The following FYB2 variants were observed in gnomAD, a reference collection of about 807,000 sequenced individuals.
FYB2 encodes FYN-binding protein 2.
A neutral mutation model predicts 94.1 loss-of-function variants in FYB2; 103 were observed. The observed-to-expected ratio is 1.09, with a 90% CI of 0.93 to 1.29. FYB2 has a LOEUF of 1.29. FYB2 is among the 50% of genes most tolerant of loss of function. FYB2 has a pLI of 0.00. For missense variants in FYB2, 896 were observed against 841.5 expected, an observed-to-expected ratio of 1.06 and a Z score of -0.80; for synonymous variants, 293 against 287.9, an observed-to-expected ratio of 1.02 and a Z score of -0.18.
At chr1:56,807,193 T>C (rs987008595) in intron 1 of FYB2, among the ~76,000 whole-genome samples, 1 of 152,218 alleles carries the variant, frequency 6.6e-6, no homozygotes, top group Non-Finnish European at 1.5e-5. Flanking sequence ...TTTAGGTTTA[T>C]GACAGTTTTA....
intron 1 of FYB2, among the ~76,000 whole-genome samples, chr1:56,807,218 T>G (rs566034415): frequency 6.6e-6 from 1 of 152,334 alleles, no homozygotes; most frequent in African/African-American, 2.4e-5. Flanking sequence ...AAGTGCAATT[T>G]AATGAAAACT....
intron 17 of FYB2, among the ~76,000 whole-genome samples, chr1:56,723,050 A>G (rs1258212796): frequency 1.3e-5 from 2 of 152,042 alleles, no homozygotes; most frequent in Admixed American, 6.6e-5. Flanking sequence ...TGCATCATTC[A>G]TTTGTTCATT....
Position 56,719,015 on chromosome 1 carries a change from A to G in FYB2, c.*656T>C, listed in dbSNP as rs1644437704. On this transcript the variant is annotated 3_prime_UTR_variant, in exon 20 of 20. Coordinates refer to ENST00000343433, the MANE Select transcript of FYB2 (RefSeq NM_001004303.5). ...TGTTTTAAAGTAATACAGCATATATATTATTTTGTTAAATACATTTGGGCA... is the reference window on the plus strand; with the variant it reads ...TGTTTTAAAGTAATACAGCATATATGTTATTTTGTTAAATACATTTGGGCA... 6.6e-6 allele frequency: 1 copy of G among 152,556 alleles called. No individual in the cohort carries two copies. The highest frequency in any genetic ancestry group is 1.5e-5 in the Non-Finnish European group (1 of 68,008). 9.5% of individuals were successfully genotyped at this position (152,556 alleles called of 1,614,324 possible).
At chr1:56,816,765 C>T (rs1646891309) in intron 1 of FYB2, among the ~76,000 whole-genome samples, 1 of 152,164 alleles carries the variant, frequency 6.6e-6, no homozygotes, top group Non-Finnish European at 1.5e-5. Context: ...AATTCCTAAT[C>T]TGCTTTCAAA....
chr1:56,774,253 C>T (rs978341017), intron 4 of FYB2, among the ~76,000 whole-genome samples: 2 of 152,130 alleles, frequency 1.3e-5, no homozygotes, highest in African/African-American at 4.8e-5. Context: ...TGAATCTCAC[C>T]TCTACCAGTC....
intron 4 of FYB2, among the ~76,000 whole-genome samples, chr1:56,785,145 C>T (rs1646104075): frequency 6.6e-6 from 1 of 152,204 alleles, no homozygotes; most frequent in African/African-American, 2.4e-5. Flanking sequence ...TGGAGACTGA[C>T]TAATGGGCCA....
chr1:56,824,144 T>TG (rs1376486105), upstream of FYB2: 1 of 152,182 alleles, frequency 6.6e-6, no homozygotes, highest in African/African-American at 2.4e-5. Context: ...GCAGGTCAGT[T>TG]GGTATCTTAG....
chr1:56,774,003 A>C (rs538451376), intron 4 of FYB2, among the ~76,000 whole-genome samples: 1 of 152,302 alleles, frequency 6.6e-6, no homozygotes, highest in South Asian at 2.1e-4. Flanking sequence ...CCTTCCCTTG[A>C]ATGAAATGAT....
At chr1:56,820,063 A>G (rs1376781919), upstream of FYB2, among the ~76,000 whole-genome samples, 2 of 152,000 alleles carry the variant, frequency 1.3e-5, no homozygotes, top group Admixed American at 6.6e-5. Flanking sequence ...CCCTGTCTCT[A>G]CCAAAAATAT....
At position 56,719,682 on chromosome 1, in the gene FYB2, A is replaced by G; in HGVS notation, c.2176T>C (p.Trp726Arg). ...TGATCTTGATTTTTCTAAGGTGACC[A>G]ACTTTGATGCCTGTGAAAAAATAAA... ...IEHLDFKHQS[W>R]SP is the part of the protein sequence containing the mutation. Residue 726 changes from tryptophan to arginine, a missense_variant, in exon 20 of 20, where the codon TGG (tryptophan) becomes CGG (arginine). Transcript: ENST00000343433. 1.3e-6 allele frequency: 2 copies of G among 1,595,622 alleles called. No individual in the cohort carries two copies. Among genetic ancestry groups the G allele is most frequent in the African/African-American group, 2.7e-5 (2 of 74,232 alleles).
intron 15 of FYB2, among the ~76,000 whole-genome samples, chr1:56,733,842 T>A (rs1569892045): frequency 6.6e-6 from 1 of 152,116 alleles, no homozygotes; most frequent in East Asian, 1.9e-4. Flanking sequence ...ATTATGTGAT[T>A]AATTTTAGAA....
chr1:56,772,781 C>T (rs1251887212), intron 4 of FYB2, among the ~76,000 whole-genome samples: 7 of 152,020 alleles, frequency 4.6e-5, no homozygotes, highest in African/African-American at 7.2e-5. Flanking sequence ...ACTTTAAAGG[C>T]GTATTATGGA....
At chr1:56,812,562 T>A (rs1348413809) in intron 1 of FYB2, among the ~76,000 whole-genome samples, 1 of 152,196 alleles carries the variant, frequency 6.6e-6, no homozygotes, top group Non-Finnish European at 1.5e-5. Context: ...TCTCTGTATT[T>A]AATAGGTCCT....
rs116196323 is a variant in FYB2, at chr1:56,735,999, T to G, written c.1793+1088A>C. 7.2e-3 allele frequency among the ~76,000 whole-genome samples: 1,102 copies of G among 152,262 alleles called. 3 individuals are homozygous for G. The highest frequency in any genetic ancestry group is 0.011 in the Non-Finnish European group (749 of 68,014). On this transcript the variant is annotated intron_variant, in intron 15 of 19. Transcript: ENST00000343433. Reference sequence around the variant, plus strand: ...CAAAGAAATGATAAATGTTTGATGATGAATATGCTAATTACCTTTATCTTA... The same window carrying G: ...CAAAGAAATGATAAATGTTTGATGAGGAATATGCTAATTACCTTTATCTTA...
chr1:56,739,829 G>A (rs1644910592), intron 13 of FYB2, among the ~76,000 whole-genome samples: 1 of 152,092 alleles, frequency 6.6e-6, no homozygotes, highest in Non-Finnish European at 1.5e-5. Context: ...TTCCAAGCAT[G>A]TTTAAGATGA....
intron 15 of FYB2, 23 bp from the exon 16 acceptor site, chr1:56,726,606 CAAGT>C: frequency 6.3e-7 from 1 of 1,579,714 alleles, no homozygotes; most frequent in Admixed American, 1.7e-5. Context: ...ATATTTTGAG[CAAGT>C]AAATTAAGAC....
chr1:56,810,609 A>C (rs1320788182), intron 1 of FYB2, among the ~76,000 whole-genome samples: 1 of 152,228 alleles, frequency 6.6e-6, no homozygotes, highest in Non-Finnish European at 1.5e-5. Context: ...TAAAGGGCTA[A>C]GGAAACCAAA....
intron 4 of FYB2, among the ~76,000 whole-genome samples, chr1:56,773,438 C>T (rs538578287): frequency 3.4e-4 from 52 of 152,232 alleles, no homozygotes; most frequent in African/African-American, 1.2e-3. Flanking sequence ...TGTTAGACAC[C>T]GTGCATAGAT....
chr1:56,798,702 G>C (rs1320208895), intron 1 of FYB2, among the ~76,000 whole-genome samples: 1 of 152,030 alleles, frequency 6.6e-6, no homozygotes, highest in African/African-American at 2.4e-5. Context: ...CCATATACCA[G>C]GCACTGTTCT....
Sources: gnomAD v4.1 joint callset for allele counts (sites outside exome capture counted in the v4.1 genomes callset) on GRCh38, gnomAD v4.1.1 for gene constraint, MANE v1.5 for transcripts, NCBI Gene and HGNC (gene_info 2026-07-23, HGNC 2026-07-21) for gene names.